KHDRBS2: variants seen among roughly 807,000 people sequenced by gnomAD.
KHDRBS2 encodes the protein KH domain-containing, RNA-binding, signal transduction-associated protein 2.
Under a neutral mutation model 44.3 loss-of-function variants are expected in KHDRBS2, and 26 were observed. The observed-to-expected ratio is 0.59, with a 90% CI of 0.43 to 0.81. KHDRBS2 has a LOEUF of 0.81. KHDRBS2 is among the 40% of genes least tolerant of loss of function. The pLI is 0.00. For synonymous variants in KHDRBS2, 194 were observed against 151.1 expected (o/e 1.28, Z -2.08); for missense variants, 476 against 433.1 (o/e 1.10, Z -0.88).
At chr6:61,643,490 G>A in the KHDRBS2 span, among the ~76,000 whole-genome samples, 2 of 152,034 alleles carry the variant, frequency 1.3e-5, no homozygotes, top group Admixed American at 6.6e-5. Flanking sequence ...AGAAACAAAG[G>A]GCATCCAAAT....
At chr6:62,074,633 A>C (rs1367774907) in intron 2 of KHDRBS2, among the ~76,000 whole-genome samples, 1 of 151,858 alleles carries the variant, frequency 6.6e-6, no homozygotes, top group East Asian at 1.9e-4. Flanking sequence ...CAACGTTTCA[A>C]GAACTTTAAA....
intron 6 of KHDRBS2, among the ~76,000 whole-genome samples, chr6:61,851,174 CCT>C (rs1795349303): frequency 6.6e-6 from 1 of 151,628 alleles, no homozygotes; most frequent in Non-Finnish European, 1.5e-5. Flanking sequence ...TGCCTAAAAG[CCT>C]CTGTTGAAAA....
At chr6:61,786,924 T>C (rs1021307123) in intron 6 of KHDRBS2, among the ~76,000 whole-genome samples, 1 of 151,488 alleles carries the variant, frequency 6.6e-6, no homozygotes, top group African/African-American at 2.4e-5. Context: ...CCAAAAAGAA[T>C]CCCAATAACA....
At chr6:62,093,856 TTGTGTGTGTG>T (rs61194705) in intron 2 of KHDRBS2, among the ~76,000 whole-genome samples, 238 of 143,304 alleles carry the variant, frequency 1.7e-3, no homozygotes, top group South Asian at 6.7e-3. Flanking sequence ...TTCCATTGTT[TTGTGTGTGTG>T]TGTGTGTGTG....
At chr6:62,062,197 C>T (rs1355489781) in intron 2 of KHDRBS2, among the ~76,000 whole-genome samples, 1 of 149,080 alleles carries the variant, frequency 6.7e-6, no homozygotes, top group South Asian at 2.2e-4. Flanking sequence ...TAACACCCCA[C>T]TGTCAACATT....
chr6:62,138,168 C>A (rs567159399), intron 2 of KHDRBS2, among the ~76,000 whole-genome samples: 8 of 152,192 alleles, frequency 5.3e-5, no homozygotes, highest in Non-Finnish European at 1.2e-4. Flanking sequence ...CAATAACCTT[C>A]TGTCTTCCTT....
chr6:62,184,887 C>T (rs910591404), intron 1 of KHDRBS2, among the ~76,000 whole-genome samples: 5 of 151,774 alleles, frequency 3.3e-5, no homozygotes, highest in Non-Finnish European at 7.4e-5. Flanking sequence ...TGATTAAATG[C>T]CACTTTAAAA....
chr6:61,899,738 C>CCA (rs569615947), intron 5 of KHDRBS2, among the ~76,000 whole-genome samples: 1 of 139,254 alleles, frequency 7.2e-6, no homozygotes, highest in Non-Finnish European at 1.6e-5. Flanking sequence ...TTAATGCCCC[C>CCA]CCCCCGCATT....
intron 6 of KHDRBS2, among the ~76,000 whole-genome samples, chr6:61,752,671 C>CAAAAAAAAAAAA (rs56410130): frequency 1.8e-5 from 2 of 111,332 alleles, no homozygotes; most frequent in Non-Finnish European, 3.6e-5. Flanking sequence ...TTGTGGTATA[C>CAAAAAAAAAAAA]AAAAAAAAAA....
At chr6:62,244,376 G>T (rs575291784) in intron 1 of KHDRBS2, among the ~76,000 whole-genome samples, 2 of 152,044 alleles carry the variant, frequency 1.3e-5, no homozygotes, top group South Asian at 4.1e-4. Flanking sequence ...TTTTAAAAAG[G>T]ATTTAAAGGA....
intron 2 of KHDRBS2, among the ~76,000 whole-genome samples, chr6:62,079,390 T>C (rs778293274): frequency 1.3e-5 from 2 of 152,010 alleles, no homozygotes; most frequent in Non-Finnish European, 2.9e-5. Flanking sequence ...GTATGTAGCA[T>C]TATTGGACAG....
the KHDRBS2 span, among the ~76,000 whole-genome samples, chr6:61,598,837 C>T: frequency 8.0e-3 from 525 of 65,386 alleles, 87 homozygotes; most frequent in Non-Finnish European, 1.0e-2. Flanking sequence ...TTTTTCTTTT[C>T]TTTTTTTTTT....
the KHDRBS2 span, among the ~76,000 whole-genome samples, chr6:61,562,398 T>TATGCCTCAAG: frequency 6.6e-6 from 1 of 152,188 alleles, no homozygotes; most frequent in South Asian, 2.1e-4. Flanking sequence ...TTGGCTGGTT[T>TATGCCTCAAG]CATGTATATG....
intron 6 of KHDRBS2, among the ~76,000 whole-genome samples, chr6:61,778,285 G>T (rs1782410392): frequency 6.6e-6 from 1 of 152,132 alleles, no homozygotes; most frequent in Non-Finnish European, 1.5e-5. Context: ...GGTCAAGGTG[G>T]CACTGCCTTT....
At chr6:62,200,911 AATG>A (rs1289801876) in intron 1 of KHDRBS2, among the ~76,000 whole-genome samples, 1 of 152,194 alleles carries the variant, frequency 6.6e-6, no homozygotes, top group Admixed American at 6.5e-5. Context: ...AGCCATAAAA[AATG>A]ATGAGTTCAT....
intron 1 of KHDRBS2, among the ~76,000 whole-genome samples, chr6:62,219,151 T>G (rs1830478403): frequency 6.6e-6 from 1 of 150,762 alleles, no homozygotes; most frequent in Non-Finnish European, 1.5e-5. Context: ...TTCCTTAAAT[T>G]TATACAAATA....
chr6:61,990,107 G>A (rs996427113), intron 3 of KHDRBS2, among the ~76,000 whole-genome samples: 1 of 152,024 alleles, frequency 6.6e-6, no homozygotes, highest in African/African-American at 2.4e-5. Flanking sequence ...ATGCCTCTAC[G>A]TGGACCACCA....
intron 6 of KHDRBS2, among the ~76,000 whole-genome samples, chr6:61,859,088 T>C (rs1430271016): frequency 3.3e-5 from 5 of 151,792 alleles, no homozygotes; most frequent in African/African-American, 9.7e-5. Flanking sequence ...TTGAAATACA[T>C]ACATTTAAAA....
chr6:61,880,128 T>C (rs903041806), intron 6 of KHDRBS2, among the ~76,000 whole-genome samples: 3 of 151,830 alleles, frequency 2.0e-5, no homozygotes, highest in Non-Finnish European at 2.9e-5. Context: ...TTCAGATGCA[T>C]AGCATAAGAA....
Sources: gnomAD v4.1 joint callset for allele counts (sites outside exome capture counted in the v4.1 genomes callset) on GRCh38, gnomAD v4.1.1 for gene constraint, MANE v1.5 for transcripts, NCBI Gene and HGNC (gene_info 2026-07-23, HGNC 2026-07-21) for gene names.